The following PUS10 variants were observed in gnomAD, a reference collection of about 807,000 sequenced individuals.
The protein encoded by PUS10 is tRNA pseudouridine synthase Pus10.
PUS10 carries 59 observed loss-of-function variants against 75.0 expected under a neutral mutation model. The observed-to-expected ratio is 0.79, with a 90% CI of 0.64 to 0.98. The LOEUF (loss-of-function observed/expected upper bound fraction) is 0.98, where lower values mean the gene tolerates loss of function less well. Among genes scored for constraint, PUS10 ranks in the 50% least tolerant of loss-of-function variants. PUS10 has a pLI of 0.00. For missense variants in PUS10, 650 were observed against 614.4 expected (o/e 1.06, Z -0.61); for synonymous variants, 219 against 211.6 (o/e 1.03, Z -0.30).
In PUS10 at chr2:60,940,287, TA is replaced by T. The variant is rs1674567546; in HGVS notation, c.*2107del. The T allele has an allele frequency of 6.6e-6, 1 of 152,408 alleles. No homozygotes were observed. Among genetic ancestry groups the T allele is most frequent in the Admixed American group, 6.5e-5 (1 of 15,296 alleles). 9.4% of individuals were successfully genotyped at this position (152,408 alleles called of 1,614,324 possible). A position where few individuals can be genotyped will look rare whatever the true frequency, so the allele number is the denominator to read the frequency against. On this transcript the variant is annotated 3_prime_UTR_variant, in exon 18 of 18. Transcript: ENST00000316752. Reference sequence around the variant, plus strand: ...AGGTATTCAGAGTTGATGTTTTTCCTAAAATAAACCACAGACTATATTTGGG... The same window carrying T: ...AGGTATTCAGAGTTGATGTTTTTCCTAAATAAACCACAGACTATATTTGGG...
At chr2:60,989,371 G>A (rs950225016) in intron 4 of PUS10, among the ~76,000 whole-genome samples, 1 of 152,100 alleles carries the variant, frequency 6.6e-6, no homozygotes, top group African/African-American at 2.4e-5. Context: ...GTAAAATGAA[G>A]GTCTTTTGAT....
chr2:60,947,491 C>T (rs1316896814), intron 16 of PUS10, among the ~76,000 whole-genome samples: 1 of 152,136 alleles, frequency 6.6e-6, no homozygotes, highest in Non-Finnish European at 1.5e-5. Flanking sequence ...AACTTTAAAG[C>T]TGACATTGAA....
intron 4 of PUS10, among the ~76,000 whole-genome samples, chr2:60,992,623 T>C (rs1296157064): frequency 6.6e-6 from 1 of 152,244 alleles, no homozygotes; most frequent in Non-Finnish European, 1.5e-5. Flanking sequence ...AGAAATCACT[T>C]CATATTATGC....
At chr2:60,969,017 A>G (rs761842589) in intron 5 of PUS10, among the ~76,000 whole-genome samples, 15 of 152,240 alleles carry the variant, frequency 9.9e-5, no homozygotes, top group Non-Finnish European at 1.8e-4. Context: ...ATATGAAAAT[A>G]CATTTTAAAG....
intron 15 of PUS10, among the ~76,000 whole-genome samples, chr2:60,951,439 G>C (rs1573387749): frequency 6.6e-6 from 1 of 152,084 alleles, no homozygotes; most frequent in Non-Finnish European, 1.5e-5. Context: ...TTCAGTGGGA[G>C]CCCTGAGCTT....
At chr2:60,956,035 C>T (rs573042398) in intron 11 of PUS10, among the ~76,000 whole-genome samples, 32 of 151,758 alleles carry the variant, frequency 2.1e-4, no homozygotes, top group Non-Finnish European at 4.1e-4. Flanking sequence ...CCAGCGTATG[C>T]TCTGCGATAA....
At chr2:60,974,873 G>A (rs1363308371) in intron 4 of PUS10, among the ~76,000 whole-genome samples, 2 of 152,210 alleles carry the variant, frequency 1.3e-5, no homozygotes, top group East Asian at 3.9e-4. Context: ...CAGGCGTAGC[G>A]TGCCAGGCCG....
At chr2:60,971,488 A>C in intron 5 of PUS10, 35 bp downstream of exon 5, 1 of 1,581,602 alleles carries the variant, frequency 6.3e-7, no homozygotes, top group Non-Finnish European at 8.7e-7. Context: ...CTTGTATTTG[A>C]ATGGTAGTAA....
chr2:60,996,748 C>G (rs545271303), intron 4 of PUS10, among the ~76,000 whole-genome samples: 1 of 152,166 alleles, frequency 6.6e-6, no homozygotes, highest in Non-Finnish European at 1.5e-5. Flanking sequence ...GTGATGACTA[C>G]TGAAGTGGTC....
chr2:61,002,574 A>G (rs547277618), intron 4 of PUS10, among the ~76,000 whole-genome samples: 1 of 152,314 alleles, frequency 6.6e-6, no homozygotes, highest in African/African-American at 2.4e-5. Flanking sequence ...CAGTCTCCCA[A>G]GGAGCTGGGA....
intron 4 of PUS10, among the ~76,000 whole-genome samples, chr2:60,985,106 C>A (rs1159109167): frequency 6.6e-6 from 1 of 152,042 alleles, no homozygotes; most frequent in African/African-American, 2.4e-5. Context: ...AAACTCACAA[C>A]CAATTATCTA....
chr2:60,972,448 C>A (rs558591369), intron 4 of PUS10, among the ~76,000 whole-genome samples: 1 of 150,598 alleles, frequency 6.6e-6, no homozygotes, highest in East Asian at 2.0e-4. Flanking sequence ...CCAGCCTGGG[C>A]GACAGAGCGA....
chr2:60,985,421 A>C (rs1354828601), intron 4 of PUS10, among the ~76,000 whole-genome samples: 3 of 152,190 alleles, frequency 2.0e-5, no homozygotes, highest in East Asian at 1.9e-4. Context: ...GATGAGAATA[A>C]ATTTTTACTT....
intron 17 of PUS10, among the ~76,000 whole-genome samples, chr2:60,943,762 TTGTGTG>T (rs56232022): frequency 3.2e-4 from 47 of 146,824 alleles, no homozygotes; most frequent in Non-Finnish European, 4.7e-4. Flanking sequence ...GATCACAATC[TTGTGTG>T]TGTGTGTGTG....
At chr2:60,990,241 G>A (rs1170292455) in intron 4 of PUS10, among the ~76,000 whole-genome samples, 2 of 152,210 alleles carry the variant, frequency 1.3e-5, no homozygotes, top group South Asian at 2.1e-4. Flanking sequence ...AACAAGATTG[G>A]AAAACAAAGT....
At chr2:61,015,291 T>C (rs1412535619) in intron 1 of PUS10, among the ~76,000 whole-genome samples, 1 of 152,094 alleles carries the variant, frequency 6.6e-6, no homozygotes, top group African/African-American at 2.4e-5. Context: ...ACTTGAGGTC[T>C]GGAGTTCAAG....
rs548245954 is a variant in PUS10, at chr2:60,949,011, G to T, written c.1309-826C>A. On this transcript the variant is annotated intron_variant, in intron 15 of 17. Coordinates refer to ENST00000316752, the MANE Select transcript of PUS10 (RefSeq NM_144709.4). ...GCCGGAAGGCCTGCTAAGAAAGAAA[G>T]GTTTCTGTCTGGTCTCTCCTCTATC... Among the ~76,000 whole-genome samples the T allele has an allele frequency of 1.2e-4, 18 of 152,232 alleles. No homozygotes were observed. The South Asian group carries it at 3.5e-3, about 30-fold the overall frequency.
At chr2:60,976,996 A>C (rs567461436) in intron 4 of PUS10, among the ~76,000 whole-genome samples, 1 of 152,304 alleles carries the variant, frequency 6.6e-6, no homozygotes, top group South Asian at 2.1e-4. Flanking sequence ...AAATTAAGAA[A>C]ACACAATTTA....
chr2:60,977,335 T>C (rs967202539), intron 4 of PUS10, among the ~76,000 whole-genome samples: 3 of 152,170 alleles, frequency 2.0e-5, no homozygotes, highest in African/African-American at 7.2e-5. Context: ...GGGTATGTTA[T>C]GTGTGTTCAT....
Sources: allele counts gnomAD v4.1 joint callset (sites outside exome capture counted in the v4.1 genomes callset), GRCh38; gene constraint gnomAD v4.1.1; transcripts MANE v1.5; gene names NCBI Gene and HGNC (gene_info 2026-07-23, HGNC 2026-07-21).